Variants in TRMT9B observed in about 807,000 individuals in gnomAD.
TRMT9B encodes the protein tRNA methyltransferase 9B (putative).
In TRMT9B, 16 loss-of-function variants were observed where a neutral mutation model predicts 11.5. The ratio of observed to expected loss-of-function variants is 1.39; its 90% CI spans 0.94 to 2.11. The LOEUF (loss-of-function observed/expected upper bound fraction) is 2.11. Ranked by LOEUF, TRMT9B falls within the 30% of genes most tolerant of loss-of-function variation. The pLI, the probability that TRMT9B is intolerant of heterozygous loss-of-function variation, is 0.00. For synonymous variants in TRMT9B, 274 were observed against 192.4 expected (o/e 1.42, Z -3.51); for missense variants, 941 against 553.8 (o/e 1.70, Z -7.02).
At chr8:13,008,929 C>T (rs1259806364) in intron 3 of TRMT9B, among the ~76,000 whole-genome samples, 1 of 152,090 alleles carries the variant, frequency 6.6e-6, no homozygotes, top group Non-Finnish European at 1.5e-5. Flanking sequence ...GGAGTTTCAC[C>T]GTGTTAGCCA....
chr8:13,006,133 C>A lies in TRMT9B; in HGVS notation c.-1-69C>A, dbSNP rs1280717588. On this transcript the variant is annotated intron_variant, in intron 2 of 4. Coordinates refer to ENST00000524591, the MANE Select transcript of TRMT9B (RefSeq NM_020844.3). Reference sequence around the variant, plus strand: ...TAGGCTCCAGATTTTAGGAAATCTGCATCCTCCTTCAGCCATCTATGGTGC... The same window carrying A: ...TAGGCTCCAGATTTTAGGAAATCTGAATCCTCCTTCAGCCATCTATGGTGC... 6 of 1,465,558 alleles carry A rather than the reference C, an allele frequency of 4.1e-6. No individual in the cohort carries two copies. The East Asian group carries it at 1.1e-4, about 28-fold the overall frequency. 90.8% of individuals were successfully genotyped at this position (1,465,558 alleles called of 1,614,324 possible).
At chr8:13,012,384 C>T (rs1811785927) in intron 3 of TRMT9B, 1 of 578,396 alleles carries the variant, frequency 1.7e-6, no homozygotes, top group Non-Finnish European at 2.2e-6. Context: ...CGAGACCAAC[C>T]TGACCAACAT....
intron 4 of TRMT9B, among the ~76,000 whole-genome samples, chr8:13,020,546 T>C (rs1431569000): frequency 6.6e-6 from 1 of 152,238 alleles, no homozygotes; most frequent in Non-Finnish European, 1.5e-5. Context: ...ATTTCTGTAC[T>C]TCTCAGCTAT....
chr8:12,985,201 G>A (rs1209917520), intron 1 of TRMT9B, among the ~76,000 whole-genome samples: 1 of 152,050 alleles, frequency 6.6e-6, no homozygotes, highest in Admixed American at 6.5e-5. Context: ...CATGTTTATC[G>A]GGGGTAACTT....
chr8:12,971,214 AT>A, intron 1 of TRMT9B, among the ~76,000 whole-genome samples: 1 of 151,368 alleles, frequency 6.6e-6, no homozygotes, highest in South Asian at 2.1e-4. Flanking sequence ...GTATTTATTT[AT>A]TTTTCTTTCT....
chr8:12,965,347 AAC>A (rs1802671293), intron 1 of TRMT9B, among the ~76,000 whole-genome samples: 1 of 152,186 alleles, frequency 6.6e-6, no homozygotes, highest in African/African-American at 2.4e-5. Context: ...CATCACAGTG[AAC>A]ACAGAGCATA....
rs574805157 is a variant in TRMT9B at position 12,990,885 on chromosome 8, C to T, written c.-148C>T. ...ACAAGAGGTTTATCATGAGAAGGAC[C>T]GCACTATTTCATTTCACTCCTACAA... On this transcript the variant is annotated 5_prime_UTR_variant, in exon 2 of 5. Transcript: ENST00000524591. The T allele has an allele frequency of 6.4e-5, 82 of 1,289,516 alleles. No individual in the cohort carries two copies. The Middle Eastern group carries it at 2.1e-3, about 34-fold the overall frequency. 79.9% of individuals were successfully genotyped at this position (1,289,516 alleles called of 1,614,324 possible).
chr8:13,001,233 T>C (rs902771762), intron 2 of TRMT9B, among the ~76,000 whole-genome samples: 1 of 152,186 alleles, frequency 6.6e-6, no homozygotes, highest in Non-Finnish European at 1.5e-5. Flanking sequence ...ACTATTCAGG[T>C]CTTTTAGTTC....
At chr8:12,979,364 A>G (rs1431039188) in intron 1 of TRMT9B, among the ~76,000 whole-genome samples, 2 of 152,182 alleles carry the variant, frequency 1.3e-5, no homozygotes, top group African/African-American at 4.8e-5. Context: ...CTACAGCTTC[A>G]AGAGATAAGA....
intron 1 of TRMT9B, among the ~76,000 whole-genome samples, chr8:12,977,842 C>A (rs1046117970): frequency 1.4e-5 from 2 of 141,142 alleles, no homozygotes; most frequent in African/African-American, 2.6e-5. Flanking sequence ...TAGCAAGACC[C>A]TATCTCTACA....
At chr8:12,949,271 A>G (rs893259233) in intron 1 of TRMT9B, among the ~76,000 whole-genome samples, 3 of 152,060 alleles carry the variant, frequency 2.0e-5, no homozygotes, top group African/African-American at 7.2e-5. Flanking sequence ...TAAAAAACTG[A>G]AAAACGTTAA....
intron 2 of TRMT9B, among the ~76,000 whole-genome samples, chr8:12,996,107 C>A (rs1808290893): frequency 6.6e-6 from 1 of 152,160 alleles, no homozygotes; most frequent in Non-Finnish European, 1.5e-5. Context: ...CTTCCTGGAC[C>A]TTTACACAAT....
At chr8:12,952,350 G>A in intron 1 of TRMT9B, 2 of 326,152 alleles carry the variant, frequency 6.1e-6, no homozygotes, top group South Asian at 2.2e-5. Context: ...CCCGGGTCTG[G>A]CCGCCTGGGT....
chr8:12,956,124 C>T (rs891629129), intron 1 of TRMT9B, among the ~76,000 whole-genome samples: 1 of 152,212 alleles, frequency 6.6e-6, no homozygotes, highest in Non-Finnish European at 1.5e-5. Context: ...GTGCCCAGAA[C>T]CCTAGCTGCA....
intron 1 of TRMT9B, among the ~76,000 whole-genome samples, chr8:12,981,711 A>G (rs1805422267): frequency 6.6e-6 from 1 of 151,858 alleles, no homozygotes; most frequent in Admixed American, 6.6e-5. Flanking sequence ...GTGATCATCC[A>G]GCCTCAGTCT....
intron 4 of TRMT9B, among the ~76,000 whole-genome samples, chr8:13,016,019 G>C (rs926710475): frequency 6.6e-6 from 1 of 151,064 alleles, no homozygotes; most frequent in African/African-American, 2.4e-5. Flanking sequence ...GCTGGGGTGA[G>C]AGGATCCTTT....
chr8:12,996,675 G>T (rs780911552), intron 2 of TRMT9B, among the ~76,000 whole-genome samples: 16 of 152,166 alleles, frequency 1.1e-4, no homozygotes, highest in Non-Finnish European at 1.9e-4. Flanking sequence ...TACATAACAA[G>T]GCAACTGCCT....
intron 1 of TRMT9B, chr8:12,952,741 G>GGT (rs1800789999): frequency 1.1e-6 from 1 of 938,890 alleles, no homozygotes; most frequent in Admixed American, 6.2e-5. Context: ...TATGTGTGGG[G>GGT]TTTTTTTTGT....
chr8:13,004,023 C>T (rs76150930), intron 2 of TRMT9B, among the ~76,000 whole-genome samples: 7,133 of 151,736 alleles, frequency 0.047, 279 homozygotes, highest in African/African-American at 0.11. Context: ...TGTGAAACAC[C>T]GTATCGAACT....
Sources: gnomAD v4.1 joint callset for allele counts (sites outside exome capture counted in the v4.1 genomes callset) on GRCh38, gnomAD v4.1.1 for gene constraint, MANE v1.5 for transcripts, NCBI Gene and HGNC (gene_info 2026-07-23, HGNC 2026-07-21) for gene names.